Variants in TRAPPC11 observed in about 807,000 individuals in gnomAD.
TRAPPC11 encodes the protein foie gras homolog.
A neutral mutation model predicts 151.2 loss-of-function variants in TRAPPC11; 104 were observed. The ratio of observed to expected loss-of-function variants is 0.69; its 90% CI spans 0.59 to 0.81. The LOEUF (loss-of-function observed/expected upper bound fraction) is 0.81, where lower values mean the gene tolerates loss of function less well. Among genes scored for constraint, TRAPPC11 ranks in the 30% least tolerant of loss-of-function variants. The pLI is 0.00. For synonymous variants in TRAPPC11, 456 were observed against 472.3 expected (o/e 0.97, Z 0.45); for missense variants, 1,230 against 1,349.6 (o/e 0.91, Z 1.39).
intron 1 of TRAPPC11, among the ~76,000 whole-genome samples, chr4:183,660,167 TGCTGCA>T (rs1057298170): frequency 2.0e-5 from 3 of 152,244 alleles, no homozygotes; most frequent in Non-Finnish European, 4.4e-5. Flanking sequence ...CAAATTCCTT[TGCTGCA>T]GAATAAGCAC....
At chr4:183,676,874 C>T (rs1328532037) in intron 7 of TRAPPC11, among the ~76,000 whole-genome samples, 1 of 152,190 alleles carries the variant, frequency 6.6e-6, no homozygotes, top group Non-Finnish European at 1.5e-5. Context: ...AAGGGATTCT[C>T]CTGCCTCAAC....
intron 7 of TRAPPC11, among the ~76,000 whole-genome samples, chr4:183,676,419 G>A (rs1191651182): frequency 6.6e-6 from 1 of 152,122 alleles, no homozygotes; most frequent in Non-Finnish European, 1.5e-5. Context: ...CAAAATGCTG[G>A]GATTACAGGT....
chr4:183,671,407 G>C (rs1220150912), intron 5 of TRAPPC11, among the ~76,000 whole-genome samples: 2 of 152,128 alleles, frequency 1.3e-5, no homozygotes, highest in South Asian at 2.1e-4. Context: ...TCCTGAAAAG[G>C]CTGGAGGAGA....
chr4:183,674,794 G>T lies in TRAPPC11; in HGVS notation c.642G>T (p.Leu214Phe), dbSNP rs1579173461. ...IRRVKSHKEF[L>F]NKTTHQLLFV... ...GAGTGAAATCTCATAAAGAATTTTTGAATAAAACAACACACCAGGTGCGTG... is the reference window on the plus strand; with the variant it reads ...GAGTGAAATCTCATAAAGAATTTTTTAATAAAACAACACACCAGGTGCGTG... The change falls in exon 6 of 30, where the codon TTG becomes TTT. Residue 214 changes from leucine to phenylalanine, a missense_variant. Transcript: ENST00000334690. The T allele has an allele frequency of 8.2e-6, 13 of 1,591,006 alleles. No individual in the cohort carries two copies. Among genetic ancestry groups the T allele is most frequent in the Non-Finnish European group, 1.1e-5 (13 of 1,169,862 alleles).
rs1561060676 is a variant in TRAPPC11, at chr4:183,701,813, G to A, written c.2963+5G>A. On this transcript the variant is annotated splice_donor_5th_base_variant and intron_variant, in intron 26 of 29. Coordinates refer to ENST00000334690, the MANE Select transcript of TRAPPC11 (RefSeq NM_021942.6). The stretch of plus-strand genomic sequence containing the variant: ...TTATATTATCTCTTGGAAAAGGTAA[G>A]AATTATGTCAATCCTGTCTTTTCTT... 7.1e-6 allele frequency: 11 copies of A among 1,546,384 alleles called. No homozygotes were observed. The highest frequency in any genetic ancestry group is 9.8e-6 in the Non-Finnish European group (11 of 1,118,420).
intron 2 of TRAPPC11, among the ~76,000 whole-genome samples, chr4:183,665,270 A>ATT (rs1215656230): frequency 5.3e-5 from 8 of 151,508 alleles, no homozygotes; most frequent in African/African-American, 1.9e-4. Flanking sequence ...AATTTTCTGT[A>ATT]TTTTTAGTAG....
chr4:183,665,929 C>CTTTT (rs11462767), intron 2 of TRAPPC11, among the ~76,000 whole-genome samples: 3 of 137,888 alleles, frequency 2.2e-5, no homozygotes, highest in South Asian at 2.2e-4. Flanking sequence ...AAATGGGCTA[C>CTTTT]TTTTTTTTTT....
rs1474508788 is a variant in TRAPPC11, at chr4:183,706,945, A to G, written c.3189+5A>G. 3 of 1,613,498 alleles carry G rather than the reference A, an allele frequency of 1.9e-6. No individual in the cohort carries two copies. Among genetic ancestry groups the G allele is most frequent in the Middle Eastern group, 1.7e-4 (1 of 6,058 alleles). ...ATGTTCTCAGGTCTCAAACAGGTAC[A>G]GGTCATATCTTGTGATGCTTATGTT... is the stretch of plus-strand genomic sequence containing the variant. On this transcript the variant is annotated splice_donor_5th_base_variant and intron_variant, in intron 28 of 29. Coordinates refer to ENST00000334690, the MANE Select transcript of TRAPPC11 (RefSeq NM_021942.6).
At chr4:183,667,339 G>C (rs1421134849) in intron 4 of TRAPPC11, among the ~76,000 whole-genome samples, 1 of 152,138 alleles carries the variant, frequency 6.6e-6, no homozygotes, top group Non-Finnish European at 1.5e-5. Flanking sequence ...AGTTCCCCTA[G>C]TTCCCCTGTT....
intron 5 of TRAPPC11, among the ~76,000 whole-genome samples, chr4:183,668,682 CAT>C (rs943446306): frequency 1.3e-4 from 20 of 152,242 alleles, no homozygotes; most frequent in African/African-American, 4.3e-4. Context: ...TGAGCCCTAT[CAT>C]ATCTTAAATA....
At chr4:183,668,296 CT>C (rs1426791650) in intron 5 of TRAPPC11, among the ~76,000 whole-genome samples, 179 bp downstream of exon 5, 2 of 151,928 alleles carry the variant, frequency 1.3e-5, no homozygotes, top group African/African-American at 4.8e-5. Flanking sequence ...CTCCAATTCC[CT>C]GAGGTAACCA....
intron 23 of TRAPPC11, among the ~76,000 whole-genome samples, chr4:183,695,930 C>G (rs1297715201): frequency 6.6e-6 from 1 of 152,126 alleles, no homozygotes; most frequent in Non-Finnish European, 1.5e-5. Flanking sequence ...TGTATTATCT[C>G]ATTTGATTTT....
intron 10 of TRAPPC11, among the ~76,000 whole-genome samples, chr4:183,680,506 A>C (rs1248331491): frequency 1.3e-5 from 2 of 152,070 alleles, no homozygotes; most frequent in Non-Finnish European, 2.9e-5. Context: ...GTTAGTGACT[A>C]TTTAGACAAG....
At chr4:183,667,185 AG>A in intron 4 of TRAPPC11, 55 bp downstream of exon 4, 1 of 1,407,794 alleles carries the variant, frequency 7.1e-7, no homozygotes, top group Non-Finnish European at 9.9e-7. Context: ...TTCTTATTAA[AG>A]GGAGATAGGG....
chr4:183,661,936 T>G (rs2111280319), intron 1 of TRAPPC11, among the ~76,000 whole-genome samples: 1 of 151,996 alleles, frequency 6.6e-6, no homozygotes, highest in African/African-American at 2.4e-5. Flanking sequence ...TATTTTCTTT[T>G]TTATTTCTTT....
At chr4:183,711,800 C>G (rs967254734) in intron 29 of TRAPPC11, among the ~76,000 whole-genome samples, 8 of 152,234 alleles carry the variant, frequency 5.3e-5, no homozygotes, top group African/African-American at 1.9e-4. Flanking sequence ...TCCTGATCAT[C>G]TTTCTCCTGC....
chr4:183,693,299 C>T (rs1736351543), intron 20 of TRAPPC11, 152 bp downstream of exon 20: 5 of 787,982 alleles, frequency 6.3e-6, no homozygotes, highest in Non-Finnish European at 1.9e-6. Flanking sequence ...TCAAACCATC[C>T]TCCCACCTCA....
At chr4:183,711,554 A>C (rs1482638614) in intron 29 of TRAPPC11, among the ~76,000 whole-genome samples, 1 of 152,154 alleles carries the variant, frequency 6.6e-6, no homozygotes, top group Non-Finnish European at 1.5e-5. Flanking sequence ...ACAGTCAAGA[A>C]TCAAGGATCG....
Position 183,685,109 on chromosome 4 carries a change from G to A in TRAPPC11, c.1593G>A (p.Lys531=). The change falls in exon 16 of 30, where the codon AAG becomes AAA. Residue 531 remains lysine, a synonymous_variant. Coordinates refer to ENST00000334690, the MANE Select transcript of TRAPPC11 (RefSeq NM_021942.6). ...CTTCAACTCTGAAAGATGACCAGAAGTCTCGGATAGAAAAGAACCTCATAA... is the reference window on the plus strand; with the variant it reads ...CTTCAACTCTGAAAGATGACCAGAAATCTCGGATAGAAAAGAACCTCATAA... ...GRASTLKDDQ[K]SRIEKNLINV... 6.2e-7 allele frequency: 1 copy of A among 1,613,870 alleles called. No individual in the cohort carries two copies. The highest frequency in any genetic ancestry group is 8.5e-7 in the Non-Finnish European group (1 of 1,179,912).
Sources: gnomAD v4.1 joint callset for allele counts (sites outside exome capture counted in the v4.1 genomes callset) on GRCh38, gnomAD v4.1.1 for gene constraint, MANE v1.5 for transcripts, NCBI Gene and HGNC (gene_info 2026-07-23, HGNC 2026-07-21) for gene names.